ESRRG: variants seen among roughly 807,000 people sequenced by gnomAD.
ESRRG encodes estrogen related receptor gamma.
A neutral mutation model predicts 44.0 loss-of-function variants in ESRRG; 13 were observed. The ratio of observed to expected loss-of-function variants is 0.30; its 90% CI spans 0.19 to 0.47. ESRRG has a LOEUF of 0.47. ESRRG is among the 20% of genes least tolerant of loss of function. ESRRG has a pLI of 1.00. For synonymous variants in ESRRG, 215 were observed against 214.6 expected (o/e 1.00, Z -0.02); for missense variants, 395 against 580.6 (o/e 0.68, Z 3.29).
At chr1:216,547,638 C>A (rs1405198776) in intron 5 of ESRRG, among the ~76,000 whole-genome samples, 1 of 152,012 alleles carries the variant, frequency 6.6e-6, no homozygotes, top group Non-Finnish European at 1.5e-5. Flanking sequence ...AGCTGAAAGC[C>A]AGGTGATTAA....
chr1:217,001,881 G>A (rs2077074948), intron 1 of ESRRG, among the ~76,000 whole-genome samples: 1 of 152,158 alleles, frequency 6.6e-6, no homozygotes, highest in African/African-American at 2.4e-5. Context: ...AAAGTCATTT[G>A]TACATCAAAA....
At chr1:216,936,984 C>T (rs1221763710) in intron 2 of ESRRG, among the ~76,000 whole-genome samples, 1 of 152,054 alleles carries the variant, frequency 6.6e-6, no homozygotes, top group African/African-American at 2.4e-5. Flanking sequence ...CATCCTGAAA[C>T]ATCCCCCCTG....
intron 1 of ESRRG, among the ~76,000 whole-genome samples, chr1:216,973,033 TACCACTGGAGTCCAA>T (rs1174722646): frequency 6.6e-6 from 1 of 152,148 alleles, no homozygotes; most frequent in African/African-American, 2.4e-5. Context: ...CCTCCATGTC[TACCACTGGAGTCCAA>T]ACCACTGTGT....
Position 217,060,589 on chromosome 1 carries a change from G to T in ESRRG, c.-106+28918C>A, listed in dbSNP as rs757749711. The stretch of plus-strand genomic sequence containing the variant: ...GTGAAGAGTGATGGGTTGGTGCCAC[G>T]TTCCTGGATTCAGCCACCTTAACCC... On this transcript the variant is annotated intron_variant, in intron 1 of 7. Transcript: ENST00000359162. 2.6e-5 allele frequency among the ~76,000 whole-genome samples: 4 copies of T among 152,022 alleles called. No homozygotes were observed. In the East Asian group the frequency reaches 7.7e-4, roughly 29 times the overall value.
At chr1:216,672,162 AT>A (rs1030239724) in intron 2 of ESRRG, among the ~76,000 whole-genome samples, 1 of 152,182 alleles carries the variant, frequency 6.6e-6, no homozygotes, top group Non-Finnish European at 1.5e-5. Flanking sequence ...CAAAATTACT[AT>A]GCCTAGAAAA....
intron 5 of ESRRG, among the ~76,000 whole-genome samples, chr1:216,527,277 T>G (rs1237682895): frequency 6.6e-6 from 1 of 152,150 alleles, no homozygotes; most frequent in African/African-American, 2.4e-5. Context: ...CCAGTTTTGG[T>G]TAGGCCTTCA....
At chr1:216,835,628 T>C (rs2095553008) in intron 2 of ESRRG, among the ~76,000 whole-genome samples, 1 of 152,196 alleles carries the variant, frequency 6.6e-6, no homozygotes, top group South Asian at 2.1e-4. Context: ...GCATCAGTTT[T>C]GGAAGGGAGG....
intron 5 of ESRRG, among the ~76,000 whole-genome samples, chr1:216,545,756 T>C (rs1270547971): frequency 6.6e-6 from 1 of 152,072 alleles, no homozygotes; most frequent in Admixed American, 6.6e-5. Flanking sequence ...ATATCTCCCA[T>C]GAAATTTCCA....
chr1:216,548,007 T>A (rs1433099146), intron 5 of ESRRG, among the ~76,000 whole-genome samples: 1 of 152,088 alleles, frequency 6.6e-6, no homozygotes, highest in African/African-American at 2.4e-5. Context: ...TATATGGGGT[T>A]CCTTGAGCTA....
chr1:216,539,200 A>C (rs1287589901), intron 5 of ESRRG, among the ~76,000 whole-genome samples: 1 of 151,592 alleles, frequency 6.6e-6, no homozygotes, highest in Non-Finnish European at 1.5e-5. Context: ...GAGATTTTAT[A>C]TATATATATA....
chr1:217,119,692 A>AT (rs2102492684), intron 1 of ESRRG, among the ~76,000 whole-genome samples: 1 of 152,334 alleles, frequency 6.6e-6, no homozygotes, highest in African/African-American at 2.4e-5. Context: ...ACATTATATG[A>AT]TTTTAAAAAT....
intron 2 of ESRRG, among the ~76,000 whole-genome samples, chr1:216,660,572 T>C (rs2072043279): frequency 6.6e-6 from 1 of 152,346 alleles, no homozygotes; most frequent in African/African-American, 2.4e-5. Context: ...TAATTGAATG[T>C]TGTTTAGAAT....
intron 2 of ESRRG, among the ~76,000 whole-genome samples, chr1:216,873,209 G>GTTTTTTTTTTTTTTTTTTTT (rs754735743): frequency 9.4e-6 from 1 of 105,948 alleles, no homozygotes. Context: ...CATCTTTTCA[G>GTTTTTTTTTTTTTTTTTTTT]TTTTTTTTTT....
At chr1:216,671,927 T>C (rs113848486) in intron 2 of ESRRG, among the ~76,000 whole-genome samples, 1 of 152,090 alleles carries the variant, frequency 6.6e-6, no homozygotes, top group African/African-American at 2.4e-5. Context: ...TGGGTATTAC[T>C]TATACTTGGG....
At chr1:216,630,445 AACACACAC>A (rs59403765) in intron 3 of ESRRG, among the ~76,000 whole-genome samples, 2,816 of 146,444 alleles carry the variant, frequency 0.019, 84 homozygotes, top group African/African-American at 0.064. Flanking sequence ...TGTGCGTGTG[AACACACAC>A]ACACACACAC....
At chr1:216,771,829 T>G (rs1236872973) in intron 2 of ESRRG, among the ~76,000 whole-genome samples, 2 of 150,948 alleles carry the variant, frequency 1.3e-5, no homozygotes, top group East Asian at 3.9e-4. Flanking sequence ...TTTTTTTTTT[T>G]TTTTTGAAAG....
At chr1:216,600,964 A>C (rs1387280593) in intron 3 of ESRRG, among the ~76,000 whole-genome samples, 1 of 152,210 alleles carries the variant, frequency 6.6e-6, no homozygotes, top group African/African-American at 2.4e-5. Context: ...ATGATAAAAT[A>C]GCATCTCAAA....
intron 2 of ESRRG, among the ~76,000 whole-genome samples, chr1:216,750,355 C>A (rs1005076849): frequency 6.6e-6 from 1 of 152,120 alleles, no homozygotes. Flanking sequence ...CCTAAGAAAG[C>A]TACCTCTTTT....
intron 3 of ESRRG, among the ~76,000 whole-genome samples, chr1:216,630,445 AACACACACAC>A (rs59403765): frequency 0.2 from 29,644 of 146,356 alleles, 3,635 homozygotes; most frequent in Non-Finnish European, 0.29. Context: ...TGTGCGTGTG[AACACACACAC>A]ACACACACAC....
Sources: allele counts gnomAD v4.1 joint callset (sites outside exome capture counted in the v4.1 genomes callset), GRCh38; gene constraint gnomAD v4.1.1; transcripts MANE v1.5; gene names NCBI Gene and HGNC (gene_info 2026-07-23, HGNC 2026-07-21).